Variants in CADPS2 observed in about 807,000 individuals in gnomAD.
CADPS2 encodes calcium dependent secretion activator 2, also known as calcium-dependent secretion activator 2.
A neutral mutation model predicts 172.5 loss-of-function variants in CADPS2; 93 were observed. The ratio of observed to expected loss-of-function variants is 0.54; its 90% CI spans 0.46 to 0.64. The LOEUF (loss-of-function observed/expected upper bound fraction) is 0.64, where lower values mean the gene tolerates loss of function less well. CADPS2 is among the 30% of genes least tolerant of loss of function. CADPS2 has a pLI of 0.00. For missense variants in CADPS2, 1,420 were observed against 1,565.9 expected (o/e 0.91, Z 1.57); for synonymous variants, 546 against 555.2 (o/e 0.98, Z 0.23).
chr7:122,763,503 T>G (rs1284060517), intron 1 of CADPS2, among the ~76,000 whole-genome samples: 1 of 152,208 alleles, frequency 6.6e-6, no homozygotes, highest in Non-Finnish European at 1.5e-5. Flanking sequence ...TGATATATTT[T>G]GGGATAATAC....
intron 8 of CADPS2, among the ~76,000 whole-genome samples, chr7:122,541,913 A>C (rs533733218): frequency 1.4e-5 from 2 of 147,134 alleles, no homozygotes; most frequent in South Asian, 4.2e-4. Context: ...ATTCATATAT[A>C]TTTATATATA....
chr7:122,590,002 C>T (rs1388638740), intron 6 of CADPS2, among the ~76,000 whole-genome samples: 1 of 151,826 alleles, frequency 6.6e-6, no homozygotes, highest in East Asian at 1.9e-4. Context: ...TTATCCGTCA[C>T]CAAAACATTT....
intron 1 of CADPS2, among the ~76,000 whole-genome samples, chr7:122,828,492 T>C (rs1805588247): frequency 6.6e-6 from 1 of 152,190 alleles, no homozygotes; most frequent in Non-Finnish European, 1.5e-5. Flanking sequence ...TTAGTTCTCT[T>C]TGCCTTCATC....
intron 13 of CADPS2, among the ~76,000 whole-genome samples, chr7:122,472,139 A>G (rs1329443965): frequency 6.6e-6 from 1 of 152,202 alleles, no homozygotes; most frequent in Non-Finnish European, 1.5e-5. Flanking sequence ...ATGTGTGTGC[A>G]TGCATGCCAC....
intron 25 of CADPS2, among the ~76,000 whole-genome samples, chr7:122,378,119 T>A (rs1181404393): frequency 6.6e-6 from 1 of 152,178 alleles, no homozygotes; most frequent in East Asian, 1.9e-4. Flanking sequence ...CATTTATCAT[T>A]AATAGTCTTT....
At chr7:122,585,283 A>G (rs1393559204) in intron 6 of CADPS2, among the ~76,000 whole-genome samples, 1 of 151,986 alleles carries the variant, frequency 6.6e-6, no homozygotes, top group African/African-American at 2.4e-5. Context: ...AATAAATAAG[A>G]AACTTTCTTA....
rs765076899 is a variant in CADPS2, at chr7:122,702,221, A to G, written c.453+34734T>C. 21 of 1,613,750 alleles carry G rather than the reference A, an allele frequency of 1.3e-5. No homozygotes were observed. The East Asian group carries it at 2.5e-4, about 19-fold the overall frequency. Reference sequence around the variant, plus strand: ...CTGCATGTGCATTCTCCCCACTTCAATGATGACTGTCACATAGACTCCTTT... The same window carrying G: ...CTGCATGTGCATTCTCCCCACTTCAGTGATGACTGTCACATAGACTCCTTT... On this transcript the variant is annotated intron_variant, in intron 2 of 29. Transcript: ENST00000449022.
At chr7:122,465,946 T>C (rs909343921) in intron 14 of CADPS2, among the ~76,000 whole-genome samples, 2 of 152,184 alleles carry the variant, frequency 1.3e-5, no homozygotes, top group African/African-American at 2.4e-5. Flanking sequence ...ATAACACCTA[T>C]GTACATATAG....
At position 122,557,773 on chromosome 7, in the gene CADPS2, G is replaced by A. The variant is rs541235233; in HGVS notation, c.1336-3084C>T. Among the ~76,000 whole-genome samples the A allele has an allele frequency of 1.1e-4, 17 of 152,302 alleles. No individual in the cohort carries two copies. The South Asian group carries it at 3.5e-3, about 32-fold the overall frequency. ...GGCACACCGGCTGGCTATTTGCCAC[G>A]ATTCATGCTTTCACCAGTATAGAAC... On this transcript the variant is annotated intron_variant, in intron 7 of 29. Coordinates refer to ENST00000449022, the MANE Select transcript of CADPS2 (RefSeq NM_017954.11).
chr7:122,807,514 G>A (rs1799042882), intron 1 of CADPS2, among the ~76,000 whole-genome samples: 1 of 152,238 alleles, frequency 6.6e-6, no homozygotes, highest in Admixed American at 6.5e-5. Context: ...AATGAGGTCT[G>A]AAACCCAGCC....
chr7:122,786,348 T>C (rs1362784933), intron 1 of CADPS2, among the ~76,000 whole-genome samples: 1 of 152,150 alleles, frequency 6.6e-6, no homozygotes, highest in Admixed American at 6.5e-5. Context: ...GACACTGGGA[T>C]AAAGGACTGA....
At chr7:122,869,250 A>T (rs534280879) in intron 1 of CADPS2, among the ~76,000 whole-genome samples, 1 of 152,236 alleles carries the variant, frequency 6.6e-6, no homozygotes, top group East Asian at 1.9e-4. Context: ...AATAAGACAC[A>T]TTATAATCAA....
Position 122,741,664 on chromosome 7 carries a change from A to C in CADPS2, c.340-4596T>G, listed in dbSNP as rs539221707. Among the ~76,000 whole-genome samples, 143 of 152,304 alleles carry C rather than the reference A, an allele frequency of 9.4e-4. 1 individual carries two copies. Among genetic ancestry groups the C allele is most frequent in the East Asian group, 4.8e-3 (25 of 5,172 alleles). ...CTAATCAACATATTAATCTGTACAA[A>C]ATCTACAAAAGTAGACTTTCAGATT... On this transcript the variant is annotated intron_variant, in intron 1 of 29. Coordinates refer to ENST00000449022, the MANE Select transcript of CADPS2 (RefSeq NM_017954.11).
At chr7:122,514,137 A>T (rs953337506) in intron 8 of CADPS2, among the ~76,000 whole-genome samples, 1 of 152,156 alleles carries the variant, frequency 6.6e-6, no homozygotes, top group Non-Finnish European at 1.5e-5. Context: ...GAGCTATTCC[A>T]AAATTATGCC....
At chr7:122,767,456 T>C (rs572153878) in intron 1 of CADPS2, among the ~76,000 whole-genome samples, 6 of 152,200 alleles carry the variant, frequency 3.9e-5, no homozygotes, top group Admixed American at 2.0e-4. Context: ...TCAGAGACCA[T>C]AGTTGTGCCA....
chr7:122,813,921 G>C (rs1443651339), intron 1 of CADPS2, among the ~76,000 whole-genome samples: 2 of 151,994 alleles, frequency 1.3e-5, no homozygotes, highest in Non-Finnish European at 2.9e-5. Flanking sequence ...TGAGGGCTGA[G>C]TGAAAGTTTT....
At chr7:122,717,969 C>T (rs1264005455) in intron 2 of CADPS2, among the ~76,000 whole-genome samples, 1 of 146,636 alleles carries the variant, frequency 6.8e-6, no homozygotes, top group African/African-American at 2.5e-5. Flanking sequence ...TTCCACCACA[C>T]TCGGCTAATT....
intron 2 of CADPS2, among the ~76,000 whole-genome samples, chr7:122,669,642 G>A (rs923695649): frequency 1.3e-5 from 2 of 151,812 alleles, no homozygotes; most frequent in African/African-American, 4.8e-5. Flanking sequence ...AGAGGACAAC[G>A]AAAGGCCCAC....
chr7:122,771,593 T>C (rs1458782952), intron 1 of CADPS2, among the ~76,000 whole-genome samples: 1 of 152,160 alleles, frequency 6.6e-6, no homozygotes, highest in Non-Finnish European at 1.5e-5. Context: ...AGAATATAAA[T>C]GTAAAGGATA....
Sources: gnomAD v4.1 joint callset for allele counts (sites outside exome capture counted in the v4.1 genomes callset) on GRCh38, gnomAD v4.1.1 for gene constraint, MANE v1.5 for transcripts, NCBI Gene and HGNC (gene_info 2026-07-23, HGNC 2026-07-21) for gene names.